AGA: variants seen among roughly 807,000 people sequenced by gnomAD.
AGA encodes the protein N(4)-(beta-N-acetylglucosaminyl)-L-asparaginase.
In AGA, 31 loss-of-function variants were observed where a neutral mutation model predicts 40.1. The ratio of observed to expected loss-of-function variants is 0.77; its 90% CI spans 0.58 to 1.04. AGA has a LOEUF of 1.04. Ranked by LOEUF, AGA falls within the 50% of genes least tolerant of loss-of-function variation. AGA has a pLI of 0.00. For synonymous variants in AGA, 148 were observed against 144.0 expected, an observed-to-expected ratio of 1.03 and a Z score of -0.20; for missense variants, 445 against 435.4, an observed-to-expected ratio of 1.02 and a Z score of -0.20.
In AGA at chr4:177,440,374, G is replaced by C. The variant is rs754066653; in HGVS notation, c.180C>G (p.Gly60=). ...ACTGCTCTCTCTCACACATGGCACA[G>C]CCGCTCTCCACTGCATCCAGGGCAG... The part of the protein sequence containing the change: ...GGSALDAVES[G]CAMCEREQCD... The change falls in exon 2 of 9, where the codon GGC becomes GGG. Residue 60 remains glycine (G), a synonymous_variant. Coordinates refer to ENST00000264595, the MANE Select transcript of AGA (RefSeq NM_000027.4). The C allele has an allele frequency of 6.2e-7, 1 of 1,614,018 alleles. No individual in the cohort carries two copies. Among genetic ancestry groups the C allele is most frequent in the Non-Finnish European group, 8.5e-7 (1 of 1,180,032 alleles).
chr4:177,442,179 G>C, intron 1 of AGA, 70 bp downstream of exon 1: 4 of 1,596,092 alleles, frequency 2.5e-6, no homozygotes, highest in South Asian at 2.2e-5. Flanking sequence ...TGACTGCAGC[G>C]GGGCGGGCTA....
Position 177,442,237 on chromosome 4 carries a change from G to C in AGA, c.127+12C>G. ...CGCGGCGCAGCCGCCCGCCCAGGCC[G>C]CCAACCCGCACCTGCTTCGGTTGCA... On this transcript the variant is annotated intron_variant, in intron 1 of 8. Transcript: ENST00000264595. 1 of 1,613,026 alleles carries C rather than the reference G, an allele frequency of 6.2e-7. No individual in the cohort carries two copies. The highest frequency in any genetic ancestry group is 1.3e-5 in the African/African-American group (1 of 75,028).
At chr4:177,431,871 C>T in intron 8 of AGA, 63 bp from the exon 9 acceptor site, 1 of 1,340,530 alleles carries the variant, frequency 7.5e-7, no homozygotes. Flanking sequence ...ATAACCAATA[C>T]AGATACTGCT....
Position 177,430,928 on chromosome 4 carries a change from C to G in AGA, c.*780G>C, listed in dbSNP as rs772387146. The G allele has an allele frequency of 4.6e-5, 21 of 453,864 alleles. No homozygotes were observed. The highest frequency in any genetic ancestry group is 2.4e-5 in the Admixed American group (1 of 42,538). The allele number at this position is 453,864 out of a possible 1,614,324, so 28.1% of individuals were successfully genotyped here. On this transcript the variant is annotated 3_prime_UTR_variant, in exon 9 of 9. Transcript: ENST00000264595. ...AGGGAAACAAACCAAGCTAAACAAC[C>G]CATTTCTTGACTTCTAATTGCCATA...
At chr4:177,435,918 T>C (rs1736800825) in intron 6 of AGA, among the ~76,000 whole-genome samples, 1 of 149,996 alleles carries the variant, frequency 6.7e-6, no homozygotes, top group South Asian at 2.1e-4. Context: ...CATGCACACA[T>C]ACACACACCC....
At chr4:177,434,328 GAAA>G (rs368433225) in intron 7 of AGA, 51 bp downstream of exon 7, 1 of 1,531,096 alleles carries the variant, frequency 6.5e-7, no homozygotes, top group African/African-American at 1.4e-5. Flanking sequence ...TATCTTAAAA[GAAA>G]AAAATATCTT....
At chr4:177,439,338 G>C (rs975417198) in intron 3 of AGA, among the ~76,000 whole-genome samples, 3 of 152,272 alleles carry the variant, frequency 2.0e-5, no homozygotes, top group East Asian at 3.9e-4. Context: ...CTGAGATCGC[G>C]CCATTGCACT....
rs776295416 is a variant in AGA at position 177,442,379 on chromosome 4, T to G, written c.-4A>C. ...GCAAGTTCGACTTCCGCGCCATCCC[T>G]GACCACCGAAGAGACCAGCGCGAGA... On this transcript the variant is annotated 5_prime_UTR_variant, in exon 1 of 9. Coordinates refer to ENST00000264595, the MANE Select transcript of AGA (RefSeq NM_000027.4). 1.2e-6 allele frequency: 2 copies of G among 1,613,830 alleles called. No individual in the cohort carries two copies. Among genetic ancestry groups the G allele is most frequent in the East Asian group, 2.2e-5 (1 of 44,832 alleles).
At position 177,432,754 on chromosome 4, in the gene AGA, T is replaced by C. The variant is rs138220913; in HGVS notation, c.940+460A>G. ...AGACAAGCCTCAAACAGTGCAAAAATAATTCTGCTAACCTCTTCGGTTTAC... is the reference window on the plus strand; with the variant it reads ...AGACAAGCCTCAAACAGTGCAAAAACAATTCTGCTAACCTCTTCGGTTTAC... On this transcript the variant is annotated intron_variant, in intron 8 of 8. Coordinates refer to ENST00000264595, the MANE Select transcript of AGA (RefSeq NM_000027.4). Among the ~76,000 whole-genome samples, 150 of 152,256 alleles carry C rather than the reference T, an allele frequency of 9.9e-4. 1 individual carries two copies. The highest frequency in any genetic ancestry group is 3.5e-3 in the African/African-American group (145 of 41,554).
At chr4:177,437,665 TAA>T (rs1254806626) in intron 4 of AGA, 146 bp from the exon 5 acceptor site, 1 of 646,412 alleles carries the variant, frequency 1.5e-6, no homozygotes, top group African/African-American at 1.8e-5. Context: ...AAGAAATCAC[TAA>T]GTCTTATATA....
At position 177,436,360 on chromosome 4, in the gene AGA, T is replaced by TA. The variant is rs745896951; in HGVS notation, c.623-10dup. 7,034 of 1,349,936 alleles carry TA rather than the reference T, an allele frequency of 5.2e-3. No homozygotes were observed. The highest frequency in any genetic ancestry group is 6.2e-3 in the Non-Finnish European group (6,072 of 974,146). The allele number at this position is 1,349,936 out of a possible 1,614,324, so 83.6% of individuals were successfully genotyped here. ...ATGGATTACAACCATGCCTAGAAGTTAAAAAAAAAAAATCACTGTAGGTGT... is the reference window on the plus strand; with the variant it reads ...ATGGATTACAACCATGCCTAGAAGTTAAAAAAAAAAAAATCACTGTAGGTGT... On this transcript the variant is annotated splice_polypyrimidine_tract_variant and intron_variant, in intron 5 of 8. Coordinates refer to ENST00000264595, the MANE Select transcript of AGA (RefSeq NM_000027.4).
rs765186052 is a variant in AGA at position 177,440,338 on chromosome 4, A to G, written c.216T>C (p.Ser72=). ...AMCEREQCDG[S]VGFGGSPDEL... The stretch of plus-strand genomic sequence containing the variant: ...CATCAGGACTTCCTCCAAAGCCTAC[A>G]GAGCCGTCACACTGCTCTCTCTCAC... The change falls in exon 2 of 9, where the codon TCT becomes TCC. Residue 72 remains serine, a synonymous_variant. Coordinates refer to ENST00000264595, the MANE Select transcript of AGA (RefSeq NM_000027.4). The G allele has an allele frequency of 1.5e-5, 24 of 1,613,982 alleles. No individual in the cohort carries two copies. Among genetic ancestry groups the G allele is most frequent in the Non-Finnish European group, 2.0e-5 (24 of 1,180,048 alleles).
At chr4:177,440,749 T>C (rs1560951121) in intron 1 of AGA, among the ~76,000 whole-genome samples, 1 of 151,830 alleles carries the variant, frequency 6.6e-6, no homozygotes, top group African/African-American at 2.4e-5. Context: ...TCGAAACCAC[T>C]AAAAGGCAGT....
chr4:177,440,500 C>A (rs992178203), intron 1 of AGA, 74 bp from the exon 2 acceptor site: 4 of 1,500,266 alleles, frequency 2.7e-6, no homozygotes, highest in Non-Finnish European at 3.6e-6. Flanking sequence ...CAAACCAACT[C>A]CAATTTAACA....
At chr4:177,433,165 T>C in intron 8 of AGA, 49 bp downstream of exon 8, 1 of 1,612,432 alleles carries the variant, frequency 6.2e-7, no homozygotes, top group Non-Finnish European at 8.5e-7. Flanking sequence ...GTGTATGTTT[T>C]AGAAATATTT....
rs1579040362 is a variant in AGA at position 177,434,435 on chromosome 4, T to C, written c.753A>G (p.Ala251=). The change falls in exon 7 of 9, where the codon GCA becomes GCG. Residue 251 remains alanine, a synonymous_variant. Transcript: ENST00000264595. ...PGAGAYADDT[A]GAAAATGNGD... is the part of the protein sequence containing the mutation. ...CATTCCCAGTGGCTGCGGCTGCCCC[T>C]GCAGTATCGTCAGCATAGGCTCCAG... 6.2e-7 allele frequency: 1 copy of C among 1,614,200 alleles called. No homozygotes were observed. The highest frequency in any genetic ancestry group is 8.5e-7 in the Non-Finnish European group (1 of 1,180,024).
At position 177,436,196 on chromosome 4, in the gene AGA, T is replaced by C. The variant is rs571447058; in HGVS notation, c.698+80A>G. On this transcript the variant is annotated intron_variant, in intron 6 of 8. Coordinates refer to ENST00000264595, the MANE Select transcript of AGA (RefSeq NM_000027.4). ...CAGCTGTGAGACTAGGGCTGTGCTTTGCAACCCCCATAGCACCCGGCATAT... is the reference window on the plus strand; with the variant it reads ...CAGCTGTGAGACTAGGGCTGTGCTTCGCAACCCCCATAGCACCCGGCATAT... 9.6e-5 allele frequency: 115 copies of C among 1,203,892 alleles called. 1 individual carries two copies. In the South Asian group the frequency reaches 1.4e-3, roughly 14 times the overall value. The allele number at this position is 1,203,892 out of a possible 1,614,324, so 74.6% of individuals were successfully genotyped here. A position where few individuals can be genotyped will look rare whatever the true frequency, so the allele number is the denominator to read the frequency against.
At chr4:177,439,759 T>A (rs544566432) in intron 2 of AGA, 71 bp from the exon 3 acceptor site, 1 of 1,138,892 alleles carries the variant, frequency 8.8e-7, no homozygotes, top group East Asian at 2.3e-5. Flanking sequence ...ACATTGCTTT[T>A]CTCCAATCAA....
rs189473588 is a variant in AGA, at chr4:177,430,929, C to G, written c.*779G>C. On this transcript the variant is annotated 3_prime_UTR_variant, in exon 9 of 9. Transcript: ENST00000264595. ...GGGAAACAAACCAAGCTAAACAACC[C>G]ATTTCTTGACTTCTAATTGCCATAC... is the stretch of plus-strand genomic sequence containing the variant. 8.8e-6 allele frequency: 4 copies of G among 454,014 alleles called. No homozygotes were observed. The highest frequency in any genetic ancestry group is 2.0e-5 in the African/African-American group (1 of 50,082). 28.1% of individuals were successfully genotyped at this position (454,014 alleles called of 1,614,324 possible).
Sources: gnomAD v4.1 joint callset for allele counts (sites outside exome capture counted in the v4.1 genomes callset) on GRCh38, gnomAD v4.1.1 for gene constraint, MANE v1.5 for transcripts, NCBI Gene and HGNC (gene_info 2026-07-23, HGNC 2026-07-21) for gene names.